The following ANOS1 variants were observed in gnomAD, a reference collection of about 807,000 sequenced individuals.
The protein encoded by ANOS1 is anosmin-1.
In ANOS1, 6 loss-of-function variants were observed where a neutral mutation model predicts 59.0. The observed-to-expected ratio is 0.10, with a 90% CI of 0.06 to 0.20. The LOEUF is 0.20. Among genes scored for constraint, ANOS1 ranks in the 10% least tolerant of loss-of-function variants. ANOS1 has a pLI of 1.00. For synonymous variants in ANOS1, 217 were observed against 223.4 expected (o/e 0.97, Z 0.25); for missense variants, 433 against 542.3 (o/e 0.80, Z 2.00).
chrX:8,664,367 ATT>A (rs769368086), intron 2 of ANOS1, among the ~76,000 whole-genome samples: 64 of 109,281 alleles, frequency 5.9e-4, no homozygotes, highest in East Asian at 3.5e-3. Flanking sequence ...ATTTTTTTGT[ATT>A]TTTTTAGTAG....
At chrX:8,677,982 C>T (rs963276069) in intron 2 of ANOS1, among the ~76,000 whole-genome samples, 5 of 111,223 alleles carry the variant, frequency 4.5e-5, no homozygotes, top group African/African-American at 1.6e-4. Context: ...ACAGCCATAA[C>T]CACCCCAAGC....
At chrX:8,653,324 T>C (rs1376558206) in intron 2 of ANOS1, among the ~76,000 whole-genome samples, 1 of 111,652 alleles carries the variant, frequency 9.0e-6, no homozygotes, top group African/African-American at 3.3e-5. Flanking sequence ...GCTCAACCTG[T>C]AGCTATTGGA....
At chrX:8,682,691 T>C (rs780185460) in intron 2 of ANOS1, among the ~76,000 whole-genome samples, 1 of 111,263 alleles carries the variant, frequency 9.0e-6, no homozygotes, top group South Asian at 3.8e-4. Context: ...ATCCCCACGC[T>C]GTATTACCTC....
chrX:8,550,495 C>CA (rs1444789720), intron 9 of ANOS1, among the ~76,000 whole-genome samples: 1 of 110,683 alleles, frequency 9.0e-6, no homozygotes, highest in East Asian at 2.8e-4. Context: ...AAAATTAATT[C>CA]AAATATGTAT....
chrX:8,681,812 C>A (rs1327436598), intron 2 of ANOS1, among the ~76,000 whole-genome samples: 2 of 112,096 alleles, frequency 1.8e-5, no homozygotes, highest in Admixed American at 9.5e-5. Flanking sequence ...CAATTCTTTG[C>A]AAACTGTAAA....
chrX:8,647,639 G>GT (rs1931783098), intron 2 of ANOS1, among the ~76,000 whole-genome samples: 1 of 111,842 alleles, frequency 8.9e-6, no homozygotes, highest in African/African-American at 3.2e-5. Context: ...GAATCTTTAT[G>GT]TAAAAAAAAA....
intron 2 of ANOS1, among the ~76,000 whole-genome samples, chrX:8,642,483 C>T (rs1392176668): frequency 9.1e-6 from 1 of 109,908 alleles, no homozygotes; most frequent in Admixed American, 9.8e-5. Context: ...AACCAATGAA[C>T]TATTTAAACA....
intron 2 of ANOS1, among the ~76,000 whole-genome samples, chrX:8,690,565 A>G (rs933931810): frequency 9.0e-6 from 1 of 111,654 alleles, no homozygotes; most frequent in African/African-American, 3.3e-5. Flanking sequence ...TTTTGCTCCT[A>G]AGAAATGTCT....
At chrX:8,594,700 A>ATG in intron 4 of ANOS1, among the ~76,000 whole-genome samples, 1 of 49,971 alleles carries the variant, frequency 2.0e-5, no homozygotes, top group African/African-American at 7.7e-5. Flanking sequence ...ATATATATAC[A>ATG]CATATATATA....
intron 2 of ANOS1, among the ~76,000 whole-genome samples, chrX:8,662,869 C>G (rs1312590127): frequency 3.6e-5 from 4 of 111,377 alleles, no homozygotes; most frequent in Non-Finnish European, 7.5e-5. Flanking sequence ...TAAAAAAATA[C>G]AAAAATTAGC....
chrX:8,683,104 G>A (rs1932451493), intron 2 of ANOS1, among the ~76,000 whole-genome samples: 1 of 110,966 alleles, frequency 9.0e-6, no homozygotes, highest in Non-Finnish European at 1.9e-5. Flanking sequence ...TCTGTGAAGA[G>A]CAAAAATGGA....
intron 3 of ANOS1, among the ~76,000 whole-genome samples, chrX:8,613,751 C>T (rs983804072): frequency 8.9e-6 from 1 of 112,040 alleles, no homozygotes; most frequent in Non-Finnish European, 1.9e-5. Flanking sequence ...AGCAATCCTC[C>T]TGCCCCAGCC....
intron 9 of ANOS1, among the ~76,000 whole-genome samples, chrX:8,540,674 A>G (rs1280382205): frequency 2.8e-5 from 3 of 106,745 alleles, no homozygotes; most frequent in African/African-American, 6.8e-5. Flanking sequence ...TTGTCCCCCA[A>G]CATCATGCCA....
intron 2 of ANOS1, among the ~76,000 whole-genome samples, chrX:8,683,607 GA>G (rs1932460435): frequency 8.9e-6 from 1 of 112,085 alleles, no homozygotes; most frequent in African/African-American, 3.2e-5. Flanking sequence ...AAGTAAAGAA[GA>G]GGTATTTCCT....
In ANOS1 at chrX:8,568,359, G is replaced by A. The variant is rs777960017; in HGVS notation, c.1080C>T (p.Ile360=). ...CACAGTCTGGCTGGAGTTTCTCCAGGATCACAGAATTTTGAAACTAGAAAT... is the reference window on the plus strand; with the variant it reads ...CACAGTCTGGCTGGAGTTTCTCCAGAATCACAGAATTTTGAAACTAGAAAT... The part of the protein sequence containing the change: ...KTTDGFQNSV[I]LEKLQPDCDY... Residue 360 remains isoleucine (I), a synonymous_variant, in exon 8 of 14, where the codon ATC becomes ATT. Transcript: ENST00000262648. 8.3e-7 allele frequency: 1 copy of A among 1,207,538 alleles called. No homozygotes were observed. Among genetic ancestry groups the A allele is most frequent in the African/African-American group, 1.8e-5 (1 of 56,954 alleles).
At chrX:8,590,136 CT>C (rs1208556494) in intron 4 of ANOS1, among the ~76,000 whole-genome samples, 4 of 111,425 alleles carry the variant, frequency 3.6e-5, no homozygotes, top group African/African-American at 1.3e-4. Context: ...TTCCCAAACT[CT>C]TTAATTGCAT....
intron 2 of ANOS1, among the ~76,000 whole-genome samples, chrX:8,628,919 A>G (rs1931440869): frequency 8.9e-6 from 1 of 111,870 alleles, no homozygotes; most frequent in African/African-American, 3.3e-5. Context: ...TGTCTAGTGG[A>G]GCCTCATCAC....
Position 8,530,547 on chromosome X carries a change from C to T in ANOS1, c.*2448G>A, listed in dbSNP as rs1336272404. The T allele has an allele frequency of 9.1e-6, 1 of 110,066 alleles. No individual in the cohort carries two copies. Among genetic ancestry groups the T allele is most frequent in the Non-Finnish European group, 1.9e-5 (1 of 52,658 alleles). 9.1% of individuals were successfully genotyped at this position (110,066 alleles called of 1,213,427 possible). A position where few individuals can be genotyped will look rare whatever the true frequency, so the allele number is the denominator to read the frequency against. On this transcript the variant is annotated 3_prime_UTR_variant, in exon 14 of 14. Coordinates refer to ENST00000262648, the MANE Select transcript of ANOS1 (RefSeq NM_000216.4). ...ATTAATAGCATTTTTCTTCCAATAA[C>T]ACCAATAAAATTTAAATTATTTATT...
intron 8 of ANOS1, 92 bp from the exon 9 acceptor site, chrX:8,554,190 G>T: frequency 1.4e-6 from 1 of 691,025 alleles, no homozygotes; most frequent in Non-Finnish European, 2.3e-6. Context: ...CCATTATGCA[G>T]CTTCCAGCGA....
Sources: allele counts gnomAD v4.1 joint callset (sites outside exome capture counted in the v4.1 genomes callset), GRCh38; gene constraint gnomAD v4.1.1; transcripts MANE v1.5; gene names NCBI Gene and HGNC (gene_info 2026-07-23, HGNC 2026-07-21).